Variants in CENPK observed in about 807,000 individuals in gnomAD.
The protein encoded by CENPK is SoxLZ/Sox6-binding protein Solt.
CENPK carries 46 observed loss-of-function variants against 40.9 expected under a neutral mutation model. That is an observed-to-expected ratio of 1.13 (90% CI 0.89 to 1.44). CENPK has a LOEUF of 1.44. Ranked by LOEUF, CENPK falls within the 40% of genes most tolerant of loss-of-function variation. CENPK has a pLI of 0.00. For synonymous variants in CENPK, 107 were observed against 104.4 expected (o/e 1.02, Z -0.15); for missense variants, 288 against 303.5 (o/e 0.95, Z 0.38).
chr5:65,533,041 T>C (rs894462075), intron 6 of CENPK, among the ~76,000 whole-genome samples: 8 of 150,316 alleles, frequency 5.3e-5, no homozygotes, highest in Admixed American at 6.6e-5. Context: ...AGTGACAAAA[T>C]TCAATATTAA....
chr5:65,526,564 A>G (rs1561627569), intron 9 of CENPK, among the ~76,000 whole-genome samples: 1 of 152,234 alleles, frequency 6.6e-6, no homozygotes, highest in Non-Finnish European at 1.5e-5. Flanking sequence ...TAGAAGAGAT[A>G]CAAAGATGAA....
At chr5:65,509,780 C>T in the CENPK span, among the ~76,000 whole-genome samples, 12 of 152,186 alleles carry the variant, frequency 7.9e-5, no homozygotes, top group South Asian at 2.1e-4. Context: ...TCTACCACTA[C>T]AATATCTCCA....
At position 65,548,978 on chromosome 5, in the gene CENPK, T is replaced by C. The variant is rs1484612591; in HGVS notation, c.241+2586A>G. ...ATGGCATCTAGAATGGGGGATACTT[T>C]CCAGAAGGTTTCAATGTACTTTGGC... On this transcript the variant is annotated intron_variant, in intron 5 of 10. Coordinates refer to ENST00000396679, the MANE Select transcript of CENPK (RefSeq NM_022145.5). Among the ~76,000 whole-genome samples the C allele has an allele frequency of 2.6e-5, 4 of 152,160 alleles. No individual in the cohort carries two copies. In the East Asian group the frequency reaches 7.7e-4, roughly 29 times the overall value.
chr5:65,503,235 T>C, the CENPK span, among the ~76,000 whole-genome samples: 3 of 151,012 alleles, frequency 2.0e-5, no homozygotes, highest in East Asian at 5.9e-4. Flanking sequence ...GCCTCCCGAG[T>C]AGCTGGGATT....
In CENPK at chr5:65,522,703, T is replaced by A. The variant is rs150951231; in HGVS notation, c.598-1175A>T. On this transcript the variant is annotated intron_variant, in intron 9 of 10. Coordinates refer to ENST00000396679, the MANE Select transcript of CENPK (RefSeq NM_022145.5). ...ACCTCAGTCTCCTAAAGTGCGGGAT[T>A]ACAGGTGTGAGCCACCATACCCCAC... 6.0e-3 allele frequency among the ~76,000 whole-genome samples: 910 copies of A among 152,320 alleles called. 4 individuals carry two copies. Among genetic ancestry groups the A allele is most frequent in the African/African-American group, 0.021 (865 of 41,582 alleles).
At chr5:65,514,410 G>A (rs1205260187), downstream of CENPK, among the ~76,000 whole-genome samples, 7 of 151,590 alleles carry the variant, frequency 4.6e-5, no homozygotes, top group African/African-American at 9.7e-5. Flanking sequence ...GATTACAGGC[G>A]CGTGCCACCA....
chr5:65,546,500 G>A (rs998283581), intron 5 of CENPK, among the ~76,000 whole-genome samples: 9 of 152,194 alleles, frequency 5.9e-5, no homozygotes, highest in African/African-American at 2.2e-4. Context: ...GTTTGATATT[G>A]CAGAGAAGTC....
intron 6 of CENPK, chr5:65,541,284 T>C: frequency 2.3e-6 from 1 of 433,484 alleles, no homozygotes; most frequent in Admixed American, 2.4e-5. Flanking sequence ...AATCCATTAC[T>C]GGCAACTGGT....
At chr5:65,532,910 C>CAAAAAAAAAAAAA (rs60713724) in intron 6 of CENPK, among the ~76,000 whole-genome samples, 4 of 37,014 alleles carry the variant, frequency 1.1e-4, no homozygotes, top group Non-Finnish European at 1.4e-4. Flanking sequence ...ACTCCATCTC[C>CAAAAAAAAAAAAA]AAAAAAAAAA....
At chr5:65,510,707 T>C in the CENPK span, among the ~76,000 whole-genome samples, 2 of 149,402 alleles carry the variant, frequency 1.3e-5, no homozygotes, top group East Asian at 2.0e-4. Flanking sequence ...ACCCAGGAGA[T>C]AGAGGTTGCA....
At chr5:65,552,694 A>C in intron 3 of CENPK, 145 bp from the exon 4 acceptor site, 1 of 454,110 alleles carries the variant, frequency 2.2e-6, no homozygotes, top group Non-Finnish European at 3.9e-6. Flanking sequence ...ATTCCTCACT[A>C]TGTAAGACGA....
At chr5:65,526,040 G>T (rs1744652254) in intron 9 of CENPK, among the ~76,000 whole-genome samples, 1 of 152,092 alleles carries the variant, frequency 6.6e-6, no homozygotes, top group African/African-American at 2.4e-5. Flanking sequence ...AGAGAGACAA[G>T]AATTACTTTG....
At chr5:65,507,341 T>C in the CENPK span, among the ~76,000 whole-genome samples, 1 of 152,178 alleles carries the variant, frequency 6.6e-6, no homozygotes. Flanking sequence ...CTAAAAAGGA[T>C]TCAGATAAGC....
At chr5:65,521,687 G>A (rs1023853606) in intron 9 of CENPK, among the ~76,000 whole-genome samples, 159 bp from the exon 10 acceptor site, 4 of 152,148 alleles carry the variant, frequency 2.6e-5, no homozygotes, top group Admixed American at 6.5e-5. Flanking sequence ...TGCAACCTCC[G>A]CCTCCCGGAT....
the CENPK span, among the ~76,000 whole-genome samples, chr5:65,510,786 A>AG: frequency 2.6e-5 from 4 of 151,982 alleles, no homozygotes; most frequent in East Asian, 1.9e-4. Flanking sequence ...CAAAAAAAAA[A>AG]AAAGAAAGAA....
intron 6 of CENPK, among the ~76,000 whole-genome samples, chr5:65,533,867 C>A (rs533374464): frequency 6.6e-6 from 1 of 151,194 alleles, no homozygotes; most frequent in Admixed American, 6.6e-5. Flanking sequence ...ATGGTGAAAC[C>A]CCATCTCTAC....
chr5:65,499,700 G>T, the CENPK span, among the ~76,000 whole-genome samples: 2 of 126,694 alleles, frequency 1.6e-5, no homozygotes, highest in Non-Finnish European at 1.7e-5. Context: ...TAAGTTTTAG[G>T]GTACATGTGC....
intron 9 of CENPK, among the ~76,000 whole-genome samples, chr5:65,526,956 G>A (rs1294094126): frequency 1.1e-4 from 16 of 152,040 alleles, no homozygotes; most frequent in African/African-American, 2.7e-4. Flanking sequence ...AACTGGGTGC[G>A]GTGGCACGCG....
chr5:65,524,508 AC>A (rs75245034), intron 9 of CENPK: 105 of 148,520 alleles, frequency 7.1e-4, no homozygotes, highest in East Asian at 2.0e-3. Context: ...AAAAAAAAAA[AC>A]CCCCCCACAC....
Sources: gnomAD v4.1 joint callset for allele counts (sites outside exome capture counted in the v4.1 genomes callset) on GRCh38, gnomAD v4.1.1 for gene constraint, MANE v1.5 for transcripts, NCBI Gene and HGNC (gene_info 2026-07-23, HGNC 2026-07-21) for gene names.